The following AFTPH variants were observed in gnomAD, a reference collection of about 807,000 sequenced individuals.
AFTPH encodes the protein aftiphilin protein.
AFTPH carries 7 observed loss-of-function variants against 72.5 expected under a neutral mutation model. The observed-to-expected ratio is 0.10, with a 90% CI of 0.05 to 0.18. AFTPH has a LOEUF of 0.18. AFTPH is among the 10% of genes least tolerant of loss of function. The pLI is 1.00. For missense variants in AFTPH, 979 were observed against 1,060.5 expected (o/e 0.92, Z 1.07); for synonymous variants, 337 against 370.1 (o/e 0.91, Z 1.03).
intron 7 of AFTPH, among the ~76,000 whole-genome samples, chr2:64,584,085 C>T (rs911438412): frequency 6.6e-6 from 1 of 152,010 alleles, no homozygotes; most frequent in Non-Finnish European, 1.5e-5. Context: ...AGCTCTAAGA[C>T]ATTCTTCCTT....
chr2:64,552,638 A>G (rs1263990954), exon 2 of AFTPH: 1 of 1,614,214 alleles, frequency 6.2e-7, no homozygotes, highest in Admixed American at 1.7e-5. Flanking sequence ...AAGAAAGTAG[A>G]AAGTTTACTA....
chr2:64,550,730 C>CA (rs1553398442), intron 1 of AFTPH, among the ~76,000 whole-genome samples: 2 of 140,262 alleles, frequency 1.4e-5, no homozygotes, highest in South Asian at 2.3e-4. Flanking sequence ...CACACACACA[C>CA]AACTGGTGAA....
chr2:64,585,731 G>T (rs1558633959), intron 8 of AFTPH, among the ~76,000 whole-genome samples, 186 bp downstream of exon 9: 1 of 152,096 alleles, frequency 6.6e-6, no homozygotes. Context: ...ATTAGAACAG[G>T]ATTATTTCAT....
chr2:64,575,482 T>C (rs1266296844), intron 6 of AFTPH, among the ~76,000 whole-genome samples: 3 of 152,006 alleles, frequency 2.0e-5, no homozygotes, highest in African/African-American at 7.3e-5. Context: ...CCAGGCATGA[T>C]GGCATGAGCC....
At chr2:64,564,724 G>A (rs1671951596) in intron 2 of AFTPH, among the ~76,000 whole-genome samples, 2 of 152,126 alleles carry the variant, frequency 1.3e-5, no homozygotes, top group African/African-American at 4.8e-5. Context: ...TTACTTACTG[G>A]AATTAACTAG....
intron 2 of AFTPH, among the ~76,000 whole-genome samples, chr2:64,565,994 T>A (rs1672065862): frequency 6.6e-6 from 1 of 152,192 alleles, no homozygotes; most frequent in South Asian, 2.1e-4. Flanking sequence ...TTTTTTCCTA[T>A]CCCATTAAAA....
chr2:64,545,017 T>C (rs1292548767), intron 1 of AFTPH, among the ~76,000 whole-genome samples: 1 of 152,070 alleles, frequency 6.6e-6, no homozygotes, highest in East Asian at 1.9e-4. Context: ...ACTTGCGGAG[T>C]TGTTGCTTTG....
intron 1 of AFTPH, among the ~76,000 whole-genome samples, chr2:64,527,212 T>C (rs75730054): frequency 0.045 from 6,814 of 152,250 alleles, 333 homozygotes; most frequent in African/African-American, 0.12. Context: ...TTAACACACC[T>C]GGGTGATGGT....
intron 5 of AFTPH, 138 bp from the exon 6 acceptor site, chr2:64,572,808 A>G (rs1672524713): frequency 3.2e-6 from 4 of 1,231,266 alleles, no homozygotes; most frequent in Non-Finnish European, 4.4e-6. Context: ...TCTCTTAAAA[A>G]AAAAAAAAGA....
At chr2:64,575,631 A>G (rs1672717806) in intron 6 of AFTPH, among the ~76,000 whole-genome samples, 1 of 152,032 alleles carries the variant, frequency 6.6e-6, no homozygotes, top group South Asian at 2.1e-4. Context: ...AAAAAAATTT[A>G]ACAAACATCT....
intron 1 of AFTPH, among the ~76,000 whole-genome samples, chr2:64,545,325 T>G (rs1250237167): frequency 6.6e-6 from 1 of 151,768 alleles, no homozygotes; most frequent in African/African-American, 2.4e-5. Flanking sequence ...TTATCCTAGA[T>G]AAATGAAAAC....
At position 64,564,104 on chromosome 2, in the gene AFTPH, T is replaced by A. The variant is rs184722289; in HGVS notation, c.1936-3458T>A. On this transcript the variant is annotated intron_variant, in intron 2 of 8. Transcript: ENST00000238856. The stretch of plus-strand genomic sequence containing the variant: ...TACTCTTAAAAACTAGGTACTTTTT[T>A]TTCCCCCAACTCAATAGGATGACCT... Among the ~76,000 whole-genome samples the A allele has an allele frequency of 4.6e-3, 704 of 152,332 alleles. 5 individuals are homozygous for A. The highest frequency in any genetic ancestry group is 0.016 in the African/African-American group (680 of 41,562).
chr2:64,591,986 C>T, exon 9 of AFTPH: 1 of 1,613,884 alleles, frequency 6.2e-7, no homozygotes, highest in Non-Finnish European at 8.5e-7. Context: ...TTGATGTTCC[C>T]AGCCACGTTA....
At chr2:64,571,269 C>G (rs1429860606) in intron 5 of AFTPH, among the ~76,000 whole-genome samples, 1 of 132,982 alleles carries the variant, frequency 7.5e-6, no homozygotes, top group Non-Finnish European at 1.5e-5. Context: ...CGCCCCCCAC[C>G]CCCCTGTTTC....
intron 5 of AFTPH, among the ~76,000 whole-genome samples, chr2:64,572,534 C>G (rs751294817): frequency 1.3e-5 from 2 of 152,110 alleles, no homozygotes; most frequent in African/African-American, 4.8e-5. Context: ...TGTTGTCTCC[C>G]CCCACCCATC....
chr2:64,567,859 G>A (rs1277594604), intron 3 of AFTPH, 146 bp downstream of exon 3: 1 of 776,486 alleles, frequency 1.3e-6, no homozygotes, highest in East Asian at 3.2e-5. Flanking sequence ...TAGCCAACAT[G>A]GTGAAACCCT....
At chr2:64,541,548 C>T (rs1670253668) in intron 1 of AFTPH, among the ~76,000 whole-genome samples, 1 of 152,076 alleles carries the variant, frequency 6.6e-6, no homozygotes, top group Non-Finnish European at 1.5e-5. Flanking sequence ...TTAACTAAAA[C>T]CCAAATCTTC....
chr2:64,567,236 A>G (rs1437798272), intron 2 of AFTPH, among the ~76,000 whole-genome samples: 1 of 152,184 alleles, frequency 6.6e-6, no homozygotes, highest in Non-Finnish European at 1.5e-5. Context: ...TCAGACATTG[A>G]GATTGCTTTC....
chr2:64,575,693 ATG>A (rs1463303741), intron 6 of AFTPH, among the ~76,000 whole-genome samples: 2 of 135,434 alleles, frequency 1.5e-5, no homozygotes, highest in African/African-American at 2.7e-5. Flanking sequence ...ATATATATGT[ATG>A]TGTGTATATG....
Sources: allele counts gnomAD v4.1 joint callset (sites outside exome capture counted in the v4.1 genomes callset), GRCh38; gene constraint gnomAD v4.1.1; transcripts MANE v1.5; gene names NCBI Gene and HGNC (gene_info 2026-07-23, HGNC 2026-07-21).